The following GPR89B variants were observed in gnomAD, a reference collection of about 807,000 sequenced individuals.
GPR89B encodes G protein-coupled receptor 89B.
In GPR89B, 25 loss-of-function variants were observed where a neutral mutation model predicts 52.4. The observed-to-expected ratio is 0.48, with a 90% confidence interval of 0.35 to 0.67. The LOEUF (loss-of-function observed/expected upper bound fraction) is 0.67, where lower values mean the gene tolerates loss of function less well. Ranked by LOEUF, GPR89B falls within the 30% of genes least tolerant of loss-of-function variation. GPR89B has a pLI of 0.01. For missense variants in GPR89B, 146 were observed against 450.2 expected, an observed-to-expected ratio of 0.32 and a Z score of 6.11; for synonymous variants, 52 against 151.2, an observed-to-expected ratio of 0.34 and a Z score of 4.81.
the GPR89B span, chr1:148,003,640 T>A: frequency 1.7e-6 from 1 of 599,480 alleles, no homozygotes; most frequent in Non-Finnish European, 3.0e-6. Flanking sequence ...CAGACCCTCA[T>A]GTGACATAGA....
At chr1:147,947,228 C>A (rs1212830560) in intron 5 of GPR89B, among the ~76,000 whole-genome samples, 1 of 151,972 alleles carries the variant, frequency 6.6e-6, no homozygotes, top group Non-Finnish European at 1.5e-5. Context: ...CCAGCTACTC[C>A]CCGGAGGCCG....
chr1:147,999,551 A>T, the GPR89B span, among the ~76,000 whole-genome samples: 14 of 146,912 alleles, frequency 9.5e-5, no homozygotes, highest in Admixed American at 9.5e-4. Flanking sequence ...GTGAGCTGAG[A>T]TGGCACCACT....
chr1:147,944,933 G>A (rs1446222741), intron 5 of GPR89B, among the ~76,000 whole-genome samples: 2 of 151,862 alleles, frequency 1.3e-5, no homozygotes, highest in African/African-American at 4.8e-5. Flanking sequence ...CCATCCTGCC[G>A]TACCTATTAT....
intron 7 of GPR89B, among the ~76,000 whole-genome samples, chr1:147,958,411 C>T (rs1571270857): frequency 6.7e-6 from 1 of 150,214 alleles, no homozygotes; most frequent in East Asian, 2.0e-4. Context: ...AACCCTAACG[C>T]TTTGAGAGGC....
chr1:147,966,274 T>C (rs1475249199), intron 7 of GPR89B, among the ~76,000 whole-genome samples: 1 of 151,962 alleles, frequency 6.6e-6, no homozygotes, highest in Admixed American at 6.5e-5. Context: ...CATCCAGATA[T>C]GAGGAGATGA....
At chr1:147,948,756 A>T (rs1241634819) in intron 5 of GPR89B, among the ~76,000 whole-genome samples, 10 of 138,296 alleles carry the variant, frequency 7.2e-5, no homozygotes, top group South Asian at 4.6e-4. Flanking sequence ...AGATAAAATA[A>T]TTTTTTTTTT....
At chr1:147,995,636 A>C (rs1481400745), downstream of GPR89B, 10 of 1,609,000 alleles carry the variant, frequency 6.2e-6, no homozygotes, top group East Asian at 2.2e-4. Context: ...TGACTCCACC[A>C]CTATTCCTTC....
the GPR89B span, among the ~76,000 whole-genome samples, chr1:148,009,770 C>T: frequency 6.6e-6 from 1 of 152,136 alleles, no homozygotes. Flanking sequence ...GATCCAGGTG[C>T]AGATTAGCTG....
the GPR89B span, among the ~76,000 whole-genome samples, chr1:148,000,166 C>A: frequency 1.1e-3 from 171 of 151,728 alleles, no homozygotes; most frequent in African/African-American, 4.1e-3. Context: ...CTTTAGTTTT[C>A]ATTCTTTCTA....
At chr1:147,970,668 A>C (rs1406115996) in intron 10 of GPR89B, among the ~76,000 whole-genome samples, 1 of 150,898 alleles carries the variant, frequency 6.6e-6, no homozygotes, top group African/African-American at 2.5e-5. Context: ...TTCTACCTTC[A>C]GCTCAGAAGT....
At chr1:147,997,674 C>A (rs1255260705), downstream of GPR89B, among the ~76,000 whole-genome samples, 1 of 152,106 alleles carries the variant, frequency 6.6e-6, no homozygotes, top group African/African-American at 2.4e-5. Flanking sequence ...AATCTCCTCT[C>A]ATACCTGTAT....
chr1:147,991,422 T>C (rs1659059194), intron 12 of GPR89B, among the ~76,000 whole-genome samples: 2 of 152,226 alleles, frequency 1.3e-5, no homozygotes, highest in African/African-American at 4.8e-5. Context: ...CCTCTTTTCC[T>C]GATTGAATAT....
intron 3 of GPR89B, among the ~76,000 whole-genome samples, chr1:147,940,209 C>T (rs587627732): frequency 1.3e-5 from 2 of 152,042 alleles, no homozygotes; most frequent in East Asian, 3.9e-4. Context: ...CAAGACCATC[C>T]TGGCTAACAT....
intron 10 of GPR89B, among the ~76,000 whole-genome samples, chr1:147,982,355 C>A (rs1443837452): frequency 1.3e-5 from 2 of 151,364 alleles, no homozygotes; most frequent in African/African-American, 4.9e-5. Context: ...CCACTGCGAC[C>A]GGCCTATGTT....
chr1:147,948,002 CA>C (rs1169120091), intron 5 of GPR89B, among the ~76,000 whole-genome samples: 5 of 152,196 alleles, frequency 3.3e-5, no homozygotes, highest in African/African-American at 1.2e-4. Flanking sequence ...ACAAACGGAA[CA>C]AACTTGGTTT....
chr1:148,010,933 G>A, the GPR89B span: 1 of 152,482 alleles, frequency 6.6e-6, no homozygotes, highest in African/African-American at 2.4e-5. Context: ...CTTTGCTCTG[G>A]GTGTCCTTTC....
chr1:147,950,962 GGGGAGA>G (rs1327691688), intron 5 of GPR89B, among the ~76,000 whole-genome samples: 144 of 152,108 alleles, frequency 9.5e-4, no homozygotes, highest in East Asian at 7.4e-3. Flanking sequence ...GAGGGAGATG[GGGGAGA>G]GGGAGAGGGA....
intron 10 of GPR89B, among the ~76,000 whole-genome samples, chr1:147,971,821 A>G (rs1315689718): frequency 6.6e-6 from 1 of 150,644 alleles, no homozygotes; most frequent in Non-Finnish European, 1.5e-5. Flanking sequence ...TATAACTGAT[A>G]TGTAAACCGA....
chr1:147,949,008 T>G (rs372529390), intron 5 of GPR89B, among the ~76,000 whole-genome samples: 3 of 152,058 alleles, frequency 2.0e-5, no homozygotes, highest in African/African-American at 7.2e-5. Flanking sequence ...AAAGCACATC[T>G]TGCACCACCA....
Sources: gnomAD v4.1 joint callset for allele counts (sites outside exome capture counted in the v4.1 genomes callset) on GRCh38, gnomAD v4.1.1 for gene constraint, MANE v1.5 for transcripts, NCBI Gene and HGNC (gene_info 2026-07-23, HGNC 2026-07-21) for gene names.